The following SHMT1 variants were observed in gnomAD, a reference collection of about 807,000 sequenced individuals.
SHMT1 encodes serine hydroxymethyltransferase 1, also known as serine hydroxymethyltransferase, cytosolic.
A neutral mutation model predicts 49.0 loss-of-function variants in SHMT1; 45 were observed. That is an observed-to-expected ratio of 0.92 (90% CI 0.72 to 1.18). SHMT1 has a LOEUF of 1.18. SHMT1 is among the 50% of genes most tolerant of loss of function. The pLI, the probability that SHMT1 is intolerant of heterozygous loss-of-function variation, is 0.00. For synonymous variants in SHMT1, 232 were observed against 246.6 expected, an observed-to-expected ratio of 0.94 and a Z score of 0.55; for missense variants, 541 against 612.4, an observed-to-expected ratio of 0.88 and a Z score of 1.23.
intron 5 of SHMT1, among the ~76,000 whole-genome samples, chr17:18,345,947 G>T (rs111573761): frequency 0.015 from 2,276 of 152,236 alleles, 30 homozygotes; most frequent in Middle Eastern, 0.051. Flanking sequence ...TTCCCAAAGT[G>T]CTGTGATTAC....
At position 18,343,647 on chromosome 17, in the gene SHMT1, C is replaced by T. The variant is rs371115288; in HGVS notation, c.520-2834G>A. The stretch of plus-strand genomic sequence containing the variant: ...AAAAAAAAAAGGGGTCAGCCGGATG[C>T]GGTGGCTCATGCCTGTAATACCAGC... On this transcript the variant is annotated intron_variant, in intron 5 of 11. Transcript: ENST00000316694. Among the ~76,000 whole-genome samples, 79 of 131,622 alleles carry T rather than the reference C, an allele frequency of 6.0e-4. 3 individuals carry two copies. The South Asian group carries it at 0.018, about 30-fold the overall frequency. 86.3% of individuals were successfully genotyped at this position (131,622 alleles called of 152,430 possible). A position where few individuals can be genotyped will look rare whatever the true frequency, so the allele number is the denominator to read the frequency against.
chr17:18,353,870 T>C (rs1482347231), intron 2 of SHMT1, 53 bp from the exon 3 acceptor site: 6 of 1,553,848 alleles, frequency 3.9e-6, no homozygotes, highest in Non-Finnish European at 5.3e-6. Context: ...TTTAAAATTT[T>C]GCTCTGATCC....
At chr17:18,361,310 AAAAAAC>A (rs1567799317) in intron 1 of SHMT1, among the ~76,000 whole-genome samples, 2 of 148,216 alleles carry the variant, frequency 1.3e-5, no homozygotes, top group African/African-American at 5.0e-5. Flanking sequence ...AAAAAAAAAA[AAAAAAC>A]AAAAACAAAA....
At chr17:18,338,104 C>A (rs1262106548) in intron 7 of SHMT1, among the ~76,000 whole-genome samples, 3 of 115,488 alleles carry the variant, frequency 2.6e-5, no homozygotes, top group Non-Finnish European at 5.5e-5. Context: ...TCTTCCCGGC[C>A]GCCATCCCGT....
intron 3 of SHMT1, among the ~76,000 whole-genome samples, chr17:18,353,255 C>A (rs955439514): frequency 6.6e-6 from 1 of 152,212 alleles, no homozygotes; most frequent in Non-Finnish European, 1.5e-5. Flanking sequence ...ATTTATAATG[C>A]AGAAACGGTT....
At chr17:18,333,818 T>G (rs1983505989) in intron 8 of SHMT1, among the ~76,000 whole-genome samples, 1 of 152,166 alleles carries the variant, frequency 6.6e-6, no homozygotes, top group Non-Finnish European at 1.5e-5. Flanking sequence ...TCACTCCCAT[T>G]GCCCAGGCTG....
intron 1 of SHMT1, chr17:18,360,480 A>G (rs1029201356): frequency 1.3e-5 from 2 of 151,664 alleles, no homozygotes; most frequent in Admixed American, 1.3e-4. Flanking sequence ...TGATCACTTG[A>G]GTCCCGGAGG....
At chr17:18,335,267 G>A (rs1332710630) in intron 8 of SHMT1, among the ~76,000 whole-genome samples, 3 of 152,184 alleles carry the variant, frequency 2.0e-5, no homozygotes, top group Non-Finnish European at 4.4e-5. Context: ...CCTGTGCTTT[G>A]CCCTCTCCTA....
chr17:18,349,734 G>A (rs1055554291), intron 3 of SHMT1, among the ~76,000 whole-genome samples: 1 of 151,408 alleles, frequency 6.6e-6, no homozygotes, highest in South Asian at 2.1e-4. Flanking sequence ...AAAATAAATA[G>A]GCCGGGCCCG....
intron 1 of SHMT1, among the ~76,000 whole-genome samples, chr17:18,358,388 G>A (rs956497466): frequency 3.9e-5 from 6 of 152,134 alleles, no homozygotes; most frequent in African/African-American, 1.4e-4. Flanking sequence ...TACTCGGGAG[G>A]CTGAGGCAGG....
chr17:18,347,435 C>A, intron 5 of SHMT1, 61 bp downstream of exon 5: 2 of 1,586,016 alleles, frequency 1.3e-6, no homozygotes, highest in Non-Finnish European at 1.7e-6. Flanking sequence ...CCCCTGCAGG[C>A]ACAGCCAAGC....
rs779984626 is a variant in SHMT1 at position 18,329,392 on chromosome 17, C to G, written c.1172-4G>C. ...GGCCGCAGAGCGCTTCTGTCACCTA[C>G]AAGATAAACGGGGCTCTGTCCCTAA... is the stretch of plus-strand genomic sequence containing the variant. On this transcript the variant is annotated splice_region_variant and splice_polypyrimidine_tract_variant and intron_variant, in intron 10 of 11. Coordinates refer to ENST00000316694, the MANE Select transcript of SHMT1 (RefSeq NM_004169.5). 2.4e-5 allele frequency: 38 copies of G among 1,608,468 alleles called. No individual in the cohort carries two copies. Among genetic ancestry groups the G allele is most frequent in the Non-Finnish European group, 1.7e-6 (2 of 1,177,062 alleles).
chr17:18,348,399 A>G lies in SHMT1; in HGVS notation c.284T>C (p.Leu95Pro). The G allele has an allele frequency of 6.2e-7, 1 of 1,613,980 alleles. No homozygotes were observed. Among genetic ancestry groups the G allele is most frequent in the Non-Finnish European group, 8.5e-7 (1 of 1,179,874 alleles). Residue 95 changes from leucine to proline, a missense_variant, in exon 4 of 12, where the codon CTC becomes CCC. Leu to Pro is a moderately conservative substitution (Grantham distance 98). Coordinates refer to ENST00000316694, the MANE Select transcript of SHMT1 (RefSeq NM_004169.5). The part of the protein sequence containing the change: ...GTEFIDELET[L>P]CQKRALQAYK... The stretch of plus-strand genomic sequence containing the variant: ...GGCCTGCAGGGCTCGCTTCTGACAG[A>G]GGGTCTCCAGTTCATCAATAAACTC...
At chr17:18,362,683 G>A (rs1013839941) in intron 1 of SHMT1, among the ~76,000 whole-genome samples, 2 of 152,206 alleles carry the variant, frequency 1.3e-5, no homozygotes, top group African/African-American at 4.8e-5. Context: ...CTGGGTAACT[G>A]CCCGATTGAA....
At chr17:18,347,374 A>G in intron 5 of SHMT1, 122 bp downstream of exon 5, 1 of 1,160,972 alleles carries the variant, frequency 8.6e-7, no homozygotes, top group Non-Finnish European at 1.3e-6. Context: ...CAAGGAAATT[A>G]AAAACGGTGC....
chr17:18,341,646 T>TG (rs1984528528), intron 5 of SHMT1: 1 of 35,944 alleles, frequency 2.8e-5, no homozygotes, highest in Admixed American at 3.9e-4. Flanking sequence ...AGACTCCATC[T>TG]GAAAAAAAAA....
intron 8 of SHMT1, 54 bp from the exon 9 acceptor site, chr17:18,333,342 G>A: frequency 1.3e-6 from 2 of 1,584,244 alleles, no homozygotes; most frequent in Non-Finnish European, 1.7e-6. Flanking sequence ...ATACACAGAT[G>A]ATGAGTCAAA....
At chr17:18,341,987 T>G (rs546322096) in intron 5 of SHMT1, among the ~76,000 whole-genome samples, 11 of 152,130 alleles carry the variant, frequency 7.2e-5, no homozygotes, top group Non-Finnish European at 1.2e-4. Context: ...ACAAAAATGT[T>G]ATCTGGATGC....
At chr17:18,345,188 A>G (rs1984955781) in intron 5 of SHMT1, among the ~76,000 whole-genome samples, 1 of 152,192 alleles carries the variant, frequency 6.6e-6, no homozygotes, top group African/African-American at 2.4e-5. Flanking sequence ...CTGCACCCAC[A>G]GGACTGCAGC....
Sources: allele counts gnomAD v4.1 joint callset (sites outside exome capture counted in the v4.1 genomes callset), GRCh38; gene constraint gnomAD v4.1.1; transcripts MANE v1.5; gene names NCBI Gene and HGNC (gene_info 2026-07-23, HGNC 2026-07-21).